Variants in ADGRL2 observed in about 807,000 individuals in gnomAD.
ADGRL2 encodes adhesion G protein-coupled receptor L2.
ADGRL2 carries 44 observed loss-of-function variants against 157.4 expected under a neutral mutation model. The ratio of observed to expected loss-of-function variants is 0.28; its 90% CI spans 0.22 to 0.36. The LOEUF is 0.36. Among genes scored for constraint, ADGRL2 ranks in the 10% least tolerant of loss-of-function variants. ADGRL2 has a pLI of 1.00. For missense variants in ADGRL2, 1,510 were observed against 1,768.9 expected (o/e 0.85, Z 2.63); for synonymous variants, 585 against 624.7 (o/e 0.94, Z 0.95).
intron 2 of ADGRL2, among the ~76,000 whole-genome samples, chr1:81,863,982 T>A (rs1254950203): frequency 1.3e-5 from 2 of 152,180 alleles, no homozygotes; most frequent in African/African-American, 2.4e-5. Flanking sequence ...TTTTCTGATA[T>A]TAAGTGGTAA....
intron 3 of ADGRL2, among the ~76,000 whole-genome samples, chr1:81,674,154 T>C (rs995150618): frequency 2.0e-5 from 3 of 152,074 alleles, no homozygotes; most frequent in African/African-American, 7.2e-5. Context: ...GTGTTTTTCT[T>C]GTAAAGTTTC....
chr1:81,468,682 C>CA (rs1436310767), intron 2 of ADGRL2, among the ~76,000 whole-genome samples: 1 of 152,148 alleles, frequency 6.6e-6, no homozygotes, highest in Non-Finnish European at 1.5e-5. Flanking sequence ...ACGAAATAAT[C>CA]ACTGCATCAG....
rs1431825606 is a variant in ADGRL2 at position 81,427,999 on chromosome 1, G to A, written c.-301-17037G>A. Among the ~76,000 whole-genome samples, 3 of 152,210 alleles carry A rather than the reference G, an allele frequency of 2.0e-5. No homozygotes were observed. In the East Asian group the frequency reaches 5.8e-4, roughly 29 times the overall value. On this transcript the variant is annotated intron_variant, in intron 1 of 24. Coordinates refer to the ADGRL2 transcript ENST00000370721. ...AGGAATTTTTAACTTTTCAATATTT[G>A]TGTAGTTCAGTTTTTCTACATTTTA...
chr1:81,501,920 G>A, intron 2 of ADGRL2: 1 of 1,613,812 alleles, frequency 6.2e-7, no homozygotes, highest in Non-Finnish European at 8.5e-7. Flanking sequence ...CCAAAAGCTG[G>A]TCACGCAGCC....
At chr1:81,356,785 C>T (rs1003851215) in intron 1 of ADGRL2, among the ~76,000 whole-genome samples, 6 of 151,738 alleles carry the variant, frequency 4.0e-5, no homozygotes, top group Admixed American at 6.6e-5. Flanking sequence ...AACCCCGTCT[C>T]TACTAAAAAT....
In ADGRL2 at chr1:81,992,762, T is replaced by C. The variant is rs1664781115; in HGVS notation, c.*1617T>C. On this transcript the variant is annotated 3_prime_UTR_variant, in exon 24 of 24. Transcript: ENST00000686636. ...TGATTTTTCAGCAGTATTGGGAAGT[T>C]TCTTAAACATACTTTAAGGATTATA... is the stretch of plus-strand genomic sequence containing the variant. Among the ~76,000 whole-genome samples the C allele has an allele frequency of 6.6e-6, 1 of 152,030 alleles. No homozygotes were observed. Among genetic ancestry groups the C allele is most frequent in the Non-Finnish European group, 1.5e-5 (1 of 68,012 alleles).
intron 2 of ADGRL2, among the ~76,000 whole-genome samples, chr1:81,555,071 G>A (rs1448173699): frequency 6.6e-6 from 1 of 151,894 alleles, no homozygotes; most frequent in Non-Finnish European, 1.5e-5. Context: ...AGTACATGTG[G>A]GAAGGGGCCT....
intron 1 of ADGRL2, among the ~76,000 whole-genome samples, chr1:81,740,664 T>C (rs1172028886): frequency 2.6e-5 from 4 of 152,144 alleles, no homozygotes; most frequent in Non-Finnish European, 5.9e-5. Context: ...GTTTGTGCTA[T>C]ATAGACTTGC....
At chr1:81,932,900 C>T (rs1343721938) in intron 3 of ADGRL2, among the ~76,000 whole-genome samples, 2 of 152,112 alleles carry the variant, frequency 1.3e-5, no homozygotes, top group African/African-American at 4.8e-5. Flanking sequence ...CGGGGTTTCT[C>T]CATGTTGGTC....
intron 2 of ADGRL2, among the ~76,000 whole-genome samples, chr1:81,775,176 A>G (rs2086528782): frequency 6.6e-6 from 1 of 152,162 alleles, no homozygotes; most frequent in Admixed American, 6.5e-5. Flanking sequence ...TATAAGCTCA[A>G]TTTATGCTTA....
chr1:81,680,779 T>C (rs2083096624), intron 3 of ADGRL2, among the ~76,000 whole-genome samples: 1 of 152,126 alleles, frequency 6.6e-6, no homozygotes, highest in Non-Finnish European at 1.5e-5. Context: ...ATCTATACAA[T>C]GACACCTGCA....
At chr1:81,446,409 C>A (rs2077598170) in intron 2 of ADGRL2, among the ~76,000 whole-genome samples, 1 of 152,158 alleles carries the variant, frequency 6.6e-6, no homozygotes, top group Non-Finnish European at 1.5e-5. Flanking sequence ...ATTATGATCA[C>A]CATTAGCACT....
chr1:81,553,394 T>A (rs2080197861), intron 2 of ADGRL2, among the ~76,000 whole-genome samples: 1 of 152,158 alleles, frequency 6.6e-6, no homozygotes. Context: ...ATGCAAAAAT[T>A]TTTCACATCT....
chr1:81,891,262 A>T (rs1390321798), intron 2 of ADGRL2, among the ~76,000 whole-genome samples: 1 of 151,816 alleles, frequency 6.6e-6, no homozygotes, highest in Admixed American at 6.6e-5. Context: ...TTTGCATCAT[A>T]TTCCATTTTG....
At chr1:81,636,934 CAAGCAA>C (rs2082126316) in intron 3 of ADGRL2, among the ~76,000 whole-genome samples, 1 of 152,160 alleles carries the variant, frequency 6.6e-6, no homozygotes. Flanking sequence ...TTCCCTGGTT[CAAGCAA>C]TTCTCCTGCC....
At chr1:81,460,554 T>A (rs909632132) in intron 2 of ADGRL2, among the ~76,000 whole-genome samples, 1 of 152,306 alleles carries the variant, frequency 6.6e-6, no homozygotes, top group African/African-American at 2.4e-5. Flanking sequence ...TAAAACTTTC[T>A]TTAAAATTTC....
chr1:81,781,362 A>T (rs1390007356), intron 2 of ADGRL2, among the ~76,000 whole-genome samples: 2 of 151,764 alleles, frequency 1.3e-5, no homozygotes, highest in Non-Finnish European at 1.5e-5. Flanking sequence ...TCTGCCCCCT[A>T]TCTTGCTTTA....
intron 1 of ADGRL2, among the ~76,000 whole-genome samples, chr1:81,349,961 C>T (rs963625007): frequency 1.3e-5 from 2 of 152,084 alleles, no homozygotes; most frequent in Admixed American, 6.6e-5. Context: ...TTCTCATGCT[C>T]TTTTATCATT....
intron 1 of ADGRL2, among the ~76,000 whole-genome samples, chr1:81,319,294 A>C (rs1258251594): frequency 6.6e-6 from 1 of 152,158 alleles, no homozygotes; most frequent in East Asian, 1.9e-4. Flanking sequence ...TGTTTGAAAG[A>C]ATTTTAAAGC....
Sources: allele counts gnomAD v4.1 joint callset (sites outside exome capture counted in the v4.1 genomes callset), GRCh38; gene constraint gnomAD v4.1.1; transcripts MANE v1.5; gene names NCBI Gene and HGNC (gene_info 2026-07-23, HGNC 2026-07-21).